Variants in ZNF808 observed in about 807,000 individuals in gnomAD.
ZNF808 encodes the protein zinc finger protein 808.
ZNF808 carries 5 observed loss-of-function variants against 8.7 expected under a neutral mutation model. That is an observed-to-expected ratio of 0.58 (90% confidence interval 0.30 to 1.21). ZNF808 has a LOEUF of 1.21. ZNF808 is among the 50% of genes most tolerant of loss of function. ZNF808 has a pLI of 0.07. For synonymous variants in ZNF808, 380 were observed against 366.0 expected, an observed-to-expected ratio of 1.04 and a Z score of -0.44; for missense variants, 1,103 against 1,098.4, an observed-to-expected ratio of 1.00 and a Z score of -0.06.
At chr19:52,530,069 CT>C (rs920097110) in intron 1 of ZNF808, among the ~76,000 whole-genome samples, 8 of 151,300 alleles carry the variant, frequency 5.3e-5, no homozygotes, top group Admixed American at 5.3e-4. Context: ...TAGCCCCCCC[CT>C]TTTTTTTGAG....
Position 52,553,967 on chromosome 19 carries a change from G to C in ZNF808, c.1051G>C (p.Ala351Pro), listed in dbSNP as rs748025411. 4 of 1,614,074 alleles carry C rather than the reference G, an allele frequency of 2.5e-6. No individual in the cohort carries two copies. The highest frequency in any genetic ancestry group is 1.1e-5 in the South Asian group (1 of 91,076). The change falls in exon 5 of 5, where the codon GCT becomes CCT. Residue 351 changes from alanine (A) to proline (P), a missense_variant. Coordinates refer to ENST00000359798, the MANE Select transcript of ZNF808 (RefSeq NM_001039886.4). ...KPYKCNECGK[A>P]FNQQSHLSRH... is the part of the protein sequence containing the mutation. ...TTACAAGTGTAATGAATGTGGCAAG[G>C]CTTTTAATCAACAATCACACCTTTC... is the stretch of plus-strand genomic sequence containing the variant.
chr19:52,555,415 C>T lies in ZNF808; in HGVS notation c.2499C>T (p.His833=), dbSNP rs866899278. 2 of 1,613,852 alleles carry T rather than the reference C, an allele frequency of 1.2e-6. No homozygotes were observed. Among genetic ancestry groups the T allele is most frequent in the African/African-American group, 1.3e-5 (1 of 74,864 alleles). ...ECGKAFNEQS[H]LSRHHRIHTG... ...GAAAGGCTTTTAATGAACAATCACA[C>T]CTTTCACGTCATCATAGAATTCATA... The change falls in exon 5 of 5, where the codon CAC becomes CAT. Residue 833 remains histidine (H), a synonymous_variant. Transcript: ENST00000359798.
chr19:52,552,703 G>T (rs12982739), intron 4 of ZNF808, among the ~76,000 whole-genome samples: 7,206 of 141,122 alleles, frequency 0.051, 213 homozygotes, highest in Middle Eastern at 0.13. Flanking sequence ...ATGTTGTGTG[G>T]TTTTTTTTTT....
chr19:52,546,896 T>G (rs889014241), intron 3 of ZNF808, among the ~76,000 whole-genome samples: 8 of 150,634 alleles, frequency 5.3e-5, no homozygotes, highest in African/African-American at 1.2e-4. Context: ...CCTGCCTTGG[T>G]CTCCCAAAAT....
intron 3 of ZNF808, among the ~76,000 whole-genome samples, chr19:52,562,925 C>T (rs1236633865): frequency 6.6e-6 from 1 of 152,062 alleles, no homozygotes; most frequent in African/African-American, 2.4e-5. Flanking sequence ...AGGTGCCTAC[C>T]ACCGTGCCCA....
chr19:52,565,890 C>T (rs1156298129), downstream of ZNF808, among the ~76,000 whole-genome samples: 3 of 152,122 alleles, frequency 2.0e-5, no homozygotes, highest in Non-Finnish European at 4.4e-5. Context: ...CTTGGGCACA[C>T]GTCATCAGGA....
intron 2 of ZNF808, among the ~76,000 whole-genome samples, chr19:52,541,585 C>G (rs521703): frequency 0.33 from 50,489 of 151,770 alleles, 9,190 homozygotes; most frequent in East Asian, 0.52. Flanking sequence ...TGACACTGAC[C>G]CCTGAAATGA....
intron 2 of ZNF808, among the ~76,000 whole-genome samples, chr19:52,541,263 TA>T (rs1386356763): frequency 6.6e-6 from 1 of 151,384 alleles, no homozygotes; most frequent in African/African-American, 2.4e-5. Flanking sequence ...TTTTTTTTTT[TA>T]AACCGTTTTT....
rs772226660 is a variant in ZNF808 at position 52,553,881 on chromosome 19, A to G, written c.965A>G (p.Lys322Arg). 3 of 1,614,198 alleles carry G rather than the reference A, an allele frequency of 1.9e-6. No homozygotes were observed. The highest frequency in any genetic ancestry group is 2.5e-6 in the Non-Finnish European group (3 of 1,180,042). Residue 322 changes from lysine to arginine, a missense_variant, in exon 5 of 5, where the codon AAG (lysine) becomes AGG (arginine). By Grantham distance (26) the Lys-to-Arg change is conservative (BLOSUM62 2). Coordinates refer to ENST00000359798, the MANE Select transcript of ZNF808 (RefSeq NM_001039886.4). ...CCTTACAAGTGTAATGAGTGTGGCA[A>G]GGTCTTTCGTCAAAATTCAGCCCTT... Reference protein sequence around the residue: ...VKPYKCNECGKVFRQNSALVI... With the variant: ...VKPYKCNECGRVFRQNSALVI...
At chr19:52,568,745 A>AG, downstream of ZNF808, among the ~76,000 whole-genome samples, 2 of 152,330 alleles carry the variant, frequency 1.3e-5, no homozygotes, top group Middle Eastern at 3.4e-3. Flanking sequence ...CTCTATAATT[A>AG]ATAATGTATT....
chr19:52,566,131 A>G (rs904270917), downstream of ZNF808, among the ~76,000 whole-genome samples: 4 of 152,092 alleles, frequency 2.6e-5, no homozygotes, highest in African/African-American at 4.8e-5. Flanking sequence ...ATTAGAGTCC[A>G]TTTGTGAAAG....
exon 4 of ZNF808, chr19:52,564,228 A>G (rs896445893): frequency 2.1e-5 from 19 of 923,632 alleles, no homozygotes; most frequent in South Asian, 1.2e-4. Context: ...AGCTGGGTCT[A>G]TAAGGAATTG....
At position 52,553,507 on chromosome 19, in the gene ZNF808, C is replaced by A; in HGVS notation, c.591C>A (p.Ser197=). ...CAGTTTCAACATCCCAAAGAATTTC[C>A]TGTAGGCCCCAAATCCATATTTCTA... The part of the protein sequence containing the change: ...ASSVSTSQRI[S]CRPQIHISNN... The change falls in exon 5 of 5, where the codon TCC becomes TCA. Residue 197 remains serine, a synonymous_variant. Coordinates refer to ENST00000359798, the MANE Select transcript of ZNF808 (RefSeq NM_001039886.4). 6.2e-7 allele frequency: 1 copy of A among 1,614,126 alleles called. No homozygotes were observed. Among genetic ancestry groups the A allele is most frequent in the Non-Finnish European group, 8.5e-7 (1 of 1,180,024 alleles).
chr19:52,564,095 TC>T, exon 4 of ZNF808: 1 of 650,614 alleles, frequency 1.5e-6, no homozygotes, highest in Non-Finnish European at 2.8e-6. Flanking sequence ...CACAAGACTT[TC>T]AGGATTAAGC....
intron 4 of ZNF808, among the ~76,000 whole-genome samples, chr19:52,550,287 A>G (rs958143508): frequency 6.6e-6 from 1 of 151,714 alleles, no homozygotes; most frequent in Non-Finnish European, 1.5e-5. Context: ...CTGAAGTTCA[A>G]TTGCACAATC....
rs1306534319 is a variant in ZNF808, at chr19:52,546,927, C to G, written c.64-585C>G. Among the ~76,000 whole-genome samples the G allele has an allele frequency of 1.1e-4, 16 of 149,066 alleles. No homozygotes were observed. The East Asian group carries it at 2.5e-3, about 24-fold the overall frequency. ...AAAATGCTAGGATTACAGGCGAGAG[C>G]CATTGCCTGGAATTGCTTTTTTTTT... On this transcript the variant is annotated intron_variant, in intron 3 of 4. Coordinates refer to ENST00000359798, the MANE Select transcript of ZNF808 (RefSeq NM_001039886.4).
chr19:52,538,724 A>G (rs1473298119), intron 2 of ZNF808, among the ~76,000 whole-genome samples: 3 of 151,648 alleles, frequency 2.0e-5, no homozygotes, highest in Non-Finnish European at 2.9e-5. Context: ...TGGAGAGAGA[A>G]AGTGAGAAAG....
At chr19:52,567,486 TTTATTATTA>T (rs199989177), downstream of ZNF808, among the ~76,000 whole-genome samples, 627 of 37,174 alleles carry the variant, frequency 0.017, 5 homozygotes, top group Middle Eastern at 0.067. Flanking sequence ...AGCTGTATTT[TTTATTATTA>T]TTATTATTAT....
chr19:52,558,096 T>G (rs1191331329), downstream of ZNF808, among the ~76,000 whole-genome samples: 3 of 147,852 alleles, frequency 2.0e-5, no homozygotes, highest in African/African-American at 5.0e-5. Flanking sequence ...TCTTTTTTTT[T>G]TTTTTTTGAG....
Sources: allele counts gnomAD v4.1 joint callset (sites outside exome capture counted in the v4.1 genomes callset), GRCh38; gene constraint gnomAD v4.1.1; transcripts MANE v1.5; gene names NCBI Gene and HGNC (gene_info 2026-07-23, HGNC 2026-07-21).